The following INVS variants were observed in gnomAD, a reference collection of about 807,000 sequenced individuals.
The protein encoded by INVS is inversin, also known as inversion of embryo turning homolog.
INVS carries 86 observed loss-of-function variants against 108.8 expected under a neutral mutation model. That is an observed-to-expected ratio of 0.79 (90% confidence interval 0.66 to 0.95). INVS has a LOEUF of 0.95. Among genes scored for constraint, INVS ranks in the 40% least tolerant of loss-of-function variants. The pLI is 0.00. For missense variants in INVS, 1,169 were observed against 1,297.4 expected (o/e 0.90, Z 1.52); for synonymous variants, 455 against 473.5 (o/e 0.96, Z 0.51).
At chr9:100,110,553 A>G (rs1469801100) in intron 2 of INVS, among the ~76,000 whole-genome samples, 1 of 152,226 alleles carries the variant, frequency 6.6e-6, no homozygotes, top group Non-Finnish European at 1.5e-5. Context: ...ATGATTATCT[A>G]GATGGGATTT....
At chr9:100,248,459 C>T (rs1588120211) in intron 8 of INVS, among the ~76,000 whole-genome samples, 1 of 151,170 alleles carries the variant, frequency 6.6e-6, no homozygotes, top group African/African-American at 2.4e-5. Context: ...TCCTCTCCGT[C>T]ATCCCTCTAC....
chr9:100,297,118 C>A lies in INVS; in HGVS notation c.2988C>A (p.Thr996=). The part of the protein sequence containing the change: ...PSKGTSGTKS[T]KHSVLKQIYG... Reference sequence around the variant, plus strand: ...AGGGCACCTCAGGCACAAAGTCCACCAAGCACTCAGTGCTTAAGCAAATCT... The same window carrying A: ...AGGGCACCTCAGGCACAAAGTCCACAAAGCACTCAGTGCTTAAGCAAATCT... The change falls in exon 15 of 17, where the codon ACC becomes ACA. Residue 996 remains threonine, a synonymous_variant. Coordinates refer to ENST00000262457, the MANE Select transcript of INVS (RefSeq NM_014425.5). 2 of 1,614,082 alleles carry A rather than the reference C, an allele frequency of 1.2e-6. No individual in the cohort carries two copies. The highest frequency in any genetic ancestry group is 1.7e-6 in the Non-Finnish European group (2 of 1,179,998).
chr9:100,138,816 C>CTTGAGA (rs1421057365), intron 3 of INVS, among the ~76,000 whole-genome samples: 1 of 150,904 alleles, frequency 6.6e-6, no homozygotes, highest in African/African-American at 2.4e-5. Flanking sequence ...AAGCGATTCT[C>CTTGAGA]CTGCCTCAGT....
chr9:100,209,447 G>T (rs1284148630), intron 3 of INVS, among the ~76,000 whole-genome samples: 1 of 152,088 alleles, frequency 6.6e-6, no homozygotes, highest in African/African-American at 2.4e-5. Flanking sequence ...TTCTGGCTGA[G>T]ACCTCTCTCA....
At chr9:100,296,806 C>T (rs1383120711) in intron 14 of INVS, 111 bp from the exon 15 acceptor site, 3 of 849,520 alleles carry the variant, frequency 3.5e-6, no homozygotes, top group Non-Finnish European at 5.8e-6. Flanking sequence ...CTTGAATGAA[C>T]CTACCAGGAA....
intron 5 of INVS, among the ~76,000 whole-genome samples, chr9:100,237,033 C>T (rs1292541428): frequency 6.6e-6 from 1 of 152,200 alleles, no homozygotes; most frequent in Non-Finnish European, 1.5e-5. Context: ...GGAACTGCTG[C>T]CTTTCTTTCA....
intron 3 of INVS, among the ~76,000 whole-genome samples, chr9:100,132,142 T>C (rs1254935716): frequency 6.6e-6 from 1 of 152,190 alleles, no homozygotes; most frequent in East Asian, 1.9e-4. Context: ...TTGAAGGCAG[T>C]GACCATGTCT....
chr9:100,146,663 A>AT (rs1828626408), intron 3 of INVS, among the ~76,000 whole-genome samples: 1 of 152,192 alleles, frequency 6.6e-6, no homozygotes, highest in African/African-American at 2.4e-5. Context: ...TAATTATTAA[A>AT]TTTTTTAAAT....
At chr9:100,240,971 A>C (rs1417518202) in intron 6 of INVS, among the ~76,000 whole-genome samples, 2 of 152,124 alleles carry the variant, frequency 1.3e-5, no homozygotes, top group Non-Finnish European at 2.9e-5. Flanking sequence ...ATTTATCAAA[A>C]ACTTTTTAAA....
chr9:100,126,455 G>A lies in INVS; in HGVS notation c.179G>A (p.Arg60Lys). The change falls in exon 3 of 17, where the codon AGA becomes AAA. Residue 60 changes from arginine to lysine, a missense_variant. Arg to Lys is a conservative substitution (Grantham distance 26). Transcript: ENST00000262457. ...TPLMYCVLADRLDCADALLKA... is the reference protein window; with the variant it reads ...TPLMYCVLADKLDCADALLKA... ...CTTATGTATTGCGTGTTGGCTGACA[G>A]ATTGGATTGTGCAGATGCTCTTCTG... is the stretch of plus-strand genomic sequence containing the variant. 6.2e-7 allele frequency: 1 copy of A among 1,614,150 alleles called. No homozygotes were observed. Among genetic ancestry groups the A allele is most frequent in the Non-Finnish European group, 8.5e-7 (1 of 1,179,974 alleles).
chr9:100,117,477 C>T (rs74647103), intron 2 of INVS: 90,980 of 781,814 alleles, frequency 0.12, 9,044 homozygotes, highest in African/African-American at 0.43. Flanking sequence ...TCGGCCTTGC[C>T]TTCTCGAGCT....
At chr9:100,204,773 A>G (rs1422998217) in intron 3 of INVS, among the ~76,000 whole-genome samples, 1 of 152,044 alleles carries the variant, frequency 6.6e-6, no homozygotes, top group Admixed American at 6.5e-5. Context: ...TTTTTTATAT[A>G]AAATATTGTA....
At chr9:100,192,081 C>G (rs1695891318) in intron 3 of INVS, among the ~76,000 whole-genome samples, 1 of 152,058 alleles carries the variant, frequency 6.6e-6, no homozygotes, top group South Asian at 2.1e-4. Flanking sequence ...GACCGCAGCC[C>G]ACCATTTCTT....
At chr9:100,210,463 A>G (rs1335248898) in intron 3 of INVS, among the ~76,000 whole-genome samples, 2 of 152,188 alleles carry the variant, frequency 1.3e-5, no homozygotes, top group Non-Finnish European at 2.9e-5. Flanking sequence ...AGATGGAGAC[A>G]TTGAGGAGTG....
At chr9:100,136,867 C>T (rs1017396624) in intron 3 of INVS, among the ~76,000 whole-genome samples, 1 of 152,058 alleles carries the variant, frequency 6.6e-6, no homozygotes, top group Non-Finnish European at 1.5e-5. Context: ...TGGTGAAACC[C>T]CATCTCTAAT....
At chr9:100,175,753 C>A in intron 3 of INVS, 1 of 628,914 alleles carries the variant, frequency 1.6e-6, no homozygotes, top group African/African-American at 1.8e-5. Context: ...AGCAGTTCGG[C>A]CTGGGGCAAC....
intron 2 of INVS, among the ~76,000 whole-genome samples, chr9:100,105,795 C>G (rs1448469149): frequency 6.6e-6 from 1 of 150,934 alleles, no homozygotes; most frequent in Non-Finnish European, 1.5e-5. Flanking sequence ...TCCTTCCTCA[C>G]TACTCAGCCT....
At chr9:100,273,981 C>G (rs1833042035) in intron 12 of INVS, among the ~76,000 whole-genome samples, 1 of 152,192 alleles carries the variant, frequency 6.6e-6, no homozygotes, top group Non-Finnish European at 1.5e-5. Context: ...TCCCCCCTGC[C>G]TCAAGGACTT....
intron 13 of INVS, among the ~76,000 whole-genome samples, chr9:100,288,353 A>T (rs1335596557): frequency 6.6e-6 from 1 of 152,042 alleles, no homozygotes; most frequent in Non-Finnish European, 1.5e-5. Flanking sequence ...TTTTGATTTG[A>T]ACTATGTCAC....
Sources: allele counts gnomAD v4.1 joint callset (sites outside exome capture counted in the v4.1 genomes callset), GRCh38; gene constraint gnomAD v4.1.1; transcripts MANE v1.5; gene names NCBI Gene and HGNC (gene_info 2026-07-23, HGNC 2026-07-21).